TLN2: variants seen among roughly 807,000 people sequenced by gnomAD.
TLN2 encodes talin-2.
Under a neutral mutation model 294.7 loss-of-function variants are expected in TLN2, and 118 were observed. The observed-to-expected ratio is 0.40, with a 90% confidence interval of 0.34 to 0.47. The LOEUF is 0.47. Ranked by LOEUF, TLN2 falls within the 20% of genes least tolerant of loss-of-function variation. The probability of loss-of-function intolerance (pLI) is 0.84; values close to 1 mark genes in which losing one functional copy is unlikely to be tolerated. For missense variants in TLN2, 3,083 were observed against 3,282.2 expected, an observed-to-expected ratio of 0.94 and a Z score of 1.48; for synonymous variants, 1,431 against 1,304.5, an observed-to-expected ratio of 1.10 and a Z score of -2.09.
intron 3 of TLN2, chr15:62,637,398 A>G (rs2050490429): frequency 6.6e-6 from 1 of 152,208 alleles, no homozygotes; most frequent in Non-Finnish European, 1.5e-5. Context: ...CTCCAAGAGG[A>G]CTGAAATGTA....
intron 1 of TLN2, among the ~76,000 whole-genome samples, chr15:62,555,699 G>C (rs1041292915): frequency 6.6e-6 from 1 of 152,126 alleles, no homozygotes; most frequent in Non-Finnish European, 1.5e-5. Flanking sequence ...TAATTTGTAT[G>C]TGGATTTTTA....
intron 54 of TLN2, among the ~76,000 whole-genome samples, chr15:62,826,649 G>C (rs2068227366): frequency 6.6e-6 from 1 of 152,134 alleles, no homozygotes; most frequent in South Asian, 2.1e-4. Flanking sequence ...TACAGGCTAA[G>C]GCCTCCCTCA....
intron 3 of TLN2, among the ~76,000 whole-genome samples, chr15:62,621,135 G>A (rs1267256963): frequency 1.3e-5 from 2 of 152,024 alleles, no homozygotes; most frequent in East Asian, 1.9e-4. Flanking sequence ...CACTGTGCCC[G>A]GCCAAAACCT....
chr15:62,549,629 AAATCTAC>A (rs2042187450), intron 1 of TLN2, among the ~76,000 whole-genome samples: 1 of 152,194 alleles, frequency 6.6e-6, no homozygotes, highest in African/African-American at 2.4e-5. Flanking sequence ...GGAATTTGAC[AAATCTAC>A]AATTTTGAAT....
chr15:62,819,566 C>G lies in TLN2; in HGVS notation c.6822C>G (p.Ser2274=). The G allele has an allele frequency of 1.2e-6, 2 of 1,613,778 alleles. No individual in the cohort carries two copies. The highest frequency in any genetic ancestry group is 1.7e-6 in the Non-Finnish European group (2 of 1,180,020). ...PEFKQQLAAF[S]KRVAGAVTEL... is the part of the protein sequence containing the mutation. ...TCAAGCAGCAGCTGGCCGCTTTCTC[C>G]AAGCGAGTCGCCGGCGCTGTGACAG... Residue 2274 remains serine (S), a synonymous_variant, in exon 53 of 59, where the codon TCC becomes TCG. Coordinates refer to ENST00000636159, the MANE Select transcript of TLN2 (RefSeq NM_015059.3).
At chr15:62,392,704 GTCT>G (rs938175889) in intron 1 of TLN2, among the ~76,000 whole-genome samples, 3 of 152,134 alleles carry the variant, frequency 2.0e-5, no homozygotes, top group Non-Finnish European at 4.4e-5. Context: ...GGCACTTCCG[GTCT>G]TCTTCACTGA....
chr15:62,589,816 T>C (rs1201436077), intron 2 of TLN2, 54 bp downstream of exon 2: 2 of 152,176 alleles, frequency 1.3e-5, no homozygotes, highest in Admixed American at 1.3e-4. Flanking sequence ...ATCCCCTGCA[T>C]TGGTATAGTT....
At chr15:62,723,538 CTTTT>C (rs555674609) in intron 26 of TLN2, among the ~76,000 whole-genome samples, 5 of 107,202 alleles carry the variant, frequency 4.7e-5, no homozygotes, top group South Asian at 7.0e-4. Flanking sequence ...ACTGTGAAAA[CTTTT>C]TTTTTTTTTT....
chr15:62,471,978 C>T (rs904949438), intron 1 of TLN2, among the ~76,000 whole-genome samples: 1 of 152,146 alleles, frequency 6.6e-6, no homozygotes, highest in Non-Finnish European at 1.5e-5. Flanking sequence ...TCCTTCTCCC[C>T]TGCGCTTGAC....
At chr15:62,764,996 C>A (rs1299832229) in intron 40 of TLN2, among the ~76,000 whole-genome samples, 1 of 140,780 alleles carries the variant, frequency 7.1e-6, no homozygotes, top group Admixed American at 7.1e-5. Flanking sequence ...AAAAAAGTAG[C>A]AAAGATGACC....
chr15:62,535,887 A>G (rs2041322898), intron 1 of TLN2, among the ~76,000 whole-genome samples: 2 of 152,218 alleles, frequency 1.3e-5, no homozygotes, highest in African/African-American at 4.8e-5. Context: ...TTTTCATACA[A>G]TAACTCTTAT....
At chr15:62,448,388 A>T (rs1052624788) in intron 1 of TLN2, among the ~76,000 whole-genome samples, 6 of 152,210 alleles carry the variant, frequency 3.9e-5, no homozygotes, top group Admixed American at 6.5e-5. Context: ...TCATATTAGA[A>T]GGATCCAGGG....
At chr15:62,815,435 C>G (rs1263991531) in intron 52 of TLN2, among the ~76,000 whole-genome samples, 2 of 152,076 alleles carry the variant, frequency 1.3e-5, no homozygotes, top group Non-Finnish European at 2.9e-5. Context: ...TTCCTGAGAG[C>G]TGAAGAAAGG....
intron 1 of TLN2, chr15:62,453,820 C>T (rs1299738175): frequency 6.6e-6 from 1 of 152,558 alleles, no homozygotes; most frequent in Non-Finnish European, 1.5e-5. Flanking sequence ...CCCTTTGGGT[C>T]TAGGTTCCTG....
chr15:62,582,872 A>AT (rs771071892), intron 1 of TLN2, among the ~76,000 whole-genome samples: 6 of 152,148 alleles, frequency 3.9e-5, no homozygotes, highest in Admixed American at 6.5e-5. Context: ...GAAGTTGAGG[A>AT]TTGCCAGTAG....
chr15:62,706,335 C>T (rs1268256520), intron 19 of TLN2, among the ~76,000 whole-genome samples: 1 of 152,260 alleles, frequency 6.6e-6, no homozygotes, highest in Non-Finnish European at 1.5e-5. Context: ...CTTCTTTCTG[C>T]AGGCAGAATG....
intron 12 of TLN2, among the ~76,000 whole-genome samples, chr15:62,690,985 G>A (rs560803803): frequency 0.025 from 3,628 of 146,666 alleles, 65 homozygotes; most frequent in South Asian, 0.052. Flanking sequence ...CTTCGGCTCG[G>A]CATCAGAGGG....
chr15:62,660,671 G>T (rs1053143849), intron 9 of TLN2, among the ~76,000 whole-genome samples: 1 of 152,168 alleles, frequency 6.6e-6, no homozygotes, highest in African/African-American at 2.4e-5. Flanking sequence ...GTGGAATTTT[G>T]TACAAATGTG....
intron 11 of TLN2, among the ~76,000 whole-genome samples, chr15:62,678,980 A>G (rs1449523060): frequency 6.6e-6 from 1 of 151,890 alleles, no homozygotes; most frequent in African/African-American, 2.4e-5. Flanking sequence ...GAACAAAATT[A>G]CTATGACTTG....
Sources: gnomAD v4.1 joint callset for allele counts (sites outside exome capture counted in the v4.1 genomes callset) on GRCh38, gnomAD v4.1.1 for gene constraint, MANE v1.5 for transcripts, NCBI Gene and HGNC (gene_info 2026-07-23, HGNC 2026-07-21) for gene names.